The following KDM4C variants were observed in gnomAD, a reference collection of about 807,000 sequenced individuals.
KDM4C encodes lysine-specific demethylase 4C.
KDM4C carries 81 observed loss-of-function variants against 129.3 expected under a neutral mutation model. The observed-to-expected ratio is 0.63, with a 90% CI of 0.52 to 0.75. The LOEUF is 0.75. Ranked by LOEUF, KDM4C falls within the 30% of genes least tolerant of loss-of-function variation. The pLI, the probability that KDM4C is intolerant of heterozygous loss-of-function variation, is 0.00. For missense variants in KDM4C, 1,457 were observed against 1,304.0 expected (o/e 1.12, Z -1.81); for synonymous variants, 573 against 456.1 (o/e 1.26, Z -3.26).
At chr9:6,794,001 A>G (rs117411877) in intron 2 of KDM4C, among the ~76,000 whole-genome samples, 7 of 152,120 alleles carry the variant, frequency 4.6e-5, no homozygotes, top group Non-Finnish European at 1.0e-4. Flanking sequence ...TCATCCCCCA[A>G]AGAAACTTCA....
intron 5 of KDM4C, among the ~76,000 whole-genome samples, chr9:6,871,158 CAAGT>C (rs1248395142): frequency 6.6e-6 from 1 of 152,210 alleles, no homozygotes; most frequent in Non-Finnish European, 1.5e-5. Flanking sequence ...TACTGGTAAA[CAAGT>C]AAGTGGACTG....
intron 1 of KDM4C, among the ~76,000 whole-genome samples, chr9:6,780,442 A>G (rs72699654): frequency 0.098 from 14,805 of 151,662 alleles, 850 homozygotes; most frequent in Non-Finnish European, 0.11. Context: ...TAATTCTCAT[A>G]CTGTTATTAA....
chr9:6,979,387 G>A (rs1451423872), intron 8 of KDM4C, among the ~76,000 whole-genome samples: 1 of 152,152 alleles, frequency 6.6e-6, no homozygotes, highest in African/African-American at 2.4e-5. Context: ...TAGCCGGCTA[G>A]TATGCAGGAA....
intron 17 of KDM4C, among the ~76,000 whole-genome samples, chr9:7,081,422 C>G (rs750540965): frequency 1.2e-4 from 18 of 152,118 alleles, no homozygotes; most frequent in Non-Finnish European, 2.4e-4. Flanking sequence ...GGAAGTATTC[C>G]TACCAGTGCC....
At chr9:6,731,325 CTTTTTTTTT>C (rs34724329) in intron 1 of KDM4C, among the ~76,000 whole-genome samples, 1 of 114,052 alleles carries the variant, frequency 8.8e-6, no homozygotes, top group Non-Finnish European at 1.7e-5. Context: ...TTTTTTTTTG[CTTTTTTTTT>C]TTTTTTTTTG....
At chr9:7,033,063 T>C (rs1221028454) in intron 15 of KDM4C, among the ~76,000 whole-genome samples, 1 of 152,084 alleles carries the variant, frequency 6.6e-6, no homozygotes, top group Non-Finnish European at 1.5e-5. Flanking sequence ...ATCAGAGCGA[T>C]TGATTTTGAG....
At chr9:7,041,158 C>G (rs1336692898) in intron 15 of KDM4C, among the ~76,000 whole-genome samples, 1 of 151,710 alleles carries the variant, frequency 6.6e-6, no homozygotes, top group Non-Finnish European at 1.5e-5. Flanking sequence ...TACATTTAGG[C>G]CTATAATGGT....
chr9:6,722,723 G>C (rs1352500032), intron 1 of KDM4C, among the ~76,000 whole-genome samples: 1 of 151,974 alleles, frequency 6.6e-6, no homozygotes, highest in Non-Finnish European at 1.5e-5. Context: ...ATGTTGGTCA[G>C]GCTGGTCTCG....
intron 17 of KDM4C, among the ~76,000 whole-genome samples, chr9:7,101,727 A>C (rs921116968): frequency 6.6e-6 from 1 of 152,190 alleles, no homozygotes; most frequent in African/African-American, 2.4e-5. Context: ...GGAGGTTGGG[A>C]GATACCAATG....
At chr9:7,106,587 A>G (rs892222987) in intron 18 of KDM4C, among the ~76,000 whole-genome samples, 2 of 152,064 alleles carry the variant, frequency 1.3e-5, no homozygotes, top group African/African-American at 4.8e-5. Flanking sequence ...TCTCCCAATT[A>G]TTTGCTATAA....
chr9:6,853,208 C>G (rs1839173441), intron 5 of KDM4C, among the ~76,000 whole-genome samples: 1 of 152,078 alleles, frequency 6.6e-6, no homozygotes, highest in East Asian at 1.9e-4. Context: ...CTTTTCTAGC[C>G]CAGGTGCGGT....
In KDM4C at chr9:6,966,802, T is replaced by C. The variant is rs148619405; in HGVS notation, c.922-14123T>C. On this transcript the variant is annotated intron_variant, in intron 8 of 21. Transcript: ENST00000381309. ...CACAACTACTAATTCAAGATTTATC[T>C]TAGACCTGACAGAGAAAATTAATAT... is the stretch of plus-strand genomic sequence containing the variant. Among the ~76,000 whole-genome samples the C allele has an allele frequency of 4.0e-3, 608 of 152,286 alleles. 5 individuals are homozygous for C. Among genetic ancestry groups the C allele is most frequent in the Non-Finnish European group, 6.6e-3 (449 of 68,018 alleles).
chr9:6,850,332 A>C (rs1838609650), intron 5 of KDM4C, among the ~76,000 whole-genome samples: 1 of 152,210 alleles, frequency 6.6e-6, no homozygotes. Context: ...CTTTACTTTG[A>C]GCATTTGTTG....
chr9:6,831,490 G>C (rs1048499167), intron 4 of KDM4C, among the ~76,000 whole-genome samples: 4 of 152,082 alleles, frequency 2.6e-5, no homozygotes, highest in African/African-American at 7.2e-5. Flanking sequence ...TTACAGGTGT[G>C]TGCCACCACG....
chr9:7,003,117 C>T (rs1354957315), intron 12 of KDM4C, among the ~76,000 whole-genome samples: 2 of 152,156 alleles, frequency 1.3e-5, no homozygotes, highest in Admixed American at 6.5e-5. Flanking sequence ...CCATCTGCCT[C>T]GCCCTCCCAA....
chr9:6,781,814 T>C (rs964101085), intron 1 of KDM4C, among the ~76,000 whole-genome samples: 5 of 151,476 alleles, frequency 3.3e-5, no homozygotes, highest in Non-Finnish European at 5.9e-5. Context: ...TTTGGGGTTA[T>C]AAATAATTTT....
At chr9:7,063,092 G>A (rs867377788) in intron 17 of KDM4C, among the ~76,000 whole-genome samples, 1 of 152,062 alleles carries the variant, frequency 6.6e-6, no homozygotes, top group East Asian at 1.9e-4. Flanking sequence ...AAATGAAATA[G>A]CATTAGCAAA....
At chr9:7,018,154 G>A (rs1824014608) in intron 15 of KDM4C, among the ~76,000 whole-genome samples, 1 of 152,136 alleles carries the variant, frequency 6.6e-6, no homozygotes, top group African/African-American at 2.4e-5. Context: ...AAACCTGGAT[G>A]GTATAGCCTG....
chr9:7,002,043 C>G (rs774180861), intron 12 of KDM4C, among the ~76,000 whole-genome samples: 36 of 152,226 alleles, frequency 2.4e-4, no homozygotes, highest in Middle Eastern at 3.4e-3. Flanking sequence ...CAGGCACGTA[C>G]CACCACACCT....
Sources: gnomAD v4.1 joint callset for allele counts (sites outside exome capture counted in the v4.1 genomes callset) on GRCh38, gnomAD v4.1.1 for gene constraint, MANE v1.5 for transcripts, NCBI Gene and HGNC (gene_info 2026-07-23, HGNC 2026-07-21) for gene names.